The following VTI1A variants were observed in gnomAD, a reference collection of about 807,000 sequenced individuals.
VTI1A encodes vesicle transport through interaction with t-SNAREs homolog 1A.
VTI1A carries 22 observed loss-of-function variants against 34.9 expected under a neutral mutation model. The ratio of observed to expected loss-of-function variants is 0.63; its 90% CI spans 0.45 to 0.90. The LOEUF is 0.90. Among genes scored for constraint, VTI1A ranks in the 40% least tolerant of loss-of-function variants. The pLI is 0.00. For missense variants in VTI1A, 268 were observed against 275.6 expected (o/e 0.97, Z 0.20); for synonymous variants, 87 against 97.3 (o/e 0.89, Z 0.62).
intron 3 of VTI1A, among the ~76,000 whole-genome samples, chr10:112,494,531 C>T (rs1424810401): frequency 6.6e-6 from 1 of 152,036 alleles, no homozygotes; most frequent in African/African-American, 2.4e-5. Flanking sequence ...CTTTCCTCCT[C>T]CTTTCCTCGC....
chr10:112,523,208 A>G (rs1046018378), intron 3 of VTI1A, among the ~76,000 whole-genome samples: 1 of 152,076 alleles, frequency 6.6e-6, no homozygotes, highest in Non-Finnish European at 1.5e-5. Flanking sequence ...TTCAAGCCAA[A>G]TTTCCAGACA....
At chr10:112,450,028 G>A (rs968680510) in intron 1 of VTI1A, 87 of 152,020 alleles carry the variant, frequency 5.7e-4, no homozygotes, top group African/African-American at 2.0e-3. Context: ...CTCCCGAGTA[G>A]CTGGGACTAC....
intron 1 of VTI1A, among the ~76,000 whole-genome samples, chr10:112,458,106 T>C (rs554957114): frequency 6.6e-6 from 1 of 152,198 alleles, no homozygotes; most frequent in South Asian, 2.1e-4. Flanking sequence ...AGGAGAGGAA[T>C]ATTAGCAAAG....
At chr10:112,601,308 C>T (rs1844867670) in intron 5 of VTI1A, among the ~76,000 whole-genome samples, 1 of 151,592 alleles carries the variant, frequency 6.6e-6, no homozygotes, top group Non-Finnish European at 1.5e-5. Context: ...TCAATATTAC[C>T]CCAATGACAG....
intron 5 of VTI1A, among the ~76,000 whole-genome samples, chr10:112,627,584 C>G (rs910332169): frequency 2.6e-5 from 4 of 152,080 alleles, no homozygotes; most frequent in Non-Finnish European, 5.9e-5. Flanking sequence ...AGGGTTTCTC[C>G]CCTATGTATT....
At chr10:112,796,882 G>A (rs1852694263) in intron 7 of VTI1A, among the ~76,000 whole-genome samples, 2 of 152,122 alleles carry the variant, frequency 1.3e-5, no homozygotes, top group Non-Finnish European at 2.9e-5. Context: ...AACCAGTTGG[G>A]CAAAATTGAT....
intron 5 of VTI1A, among the ~76,000 whole-genome samples, chr10:112,655,536 CA>C (rs34605622): frequency 0.048 from 6,767 of 139,630 alleles, 168 homozygotes; most frequent in Middle Eastern, 0.1. Context: ...CTTGTACTGT[CA>C]AAAAAAAAAA....
In VTI1A at chr10:112,671,609, C is replaced by T. The variant is rs187828921; in HGVS notation, c.560+2611C>T. On this transcript the variant is annotated intron_variant, in intron 7 of 7. Transcript: ENST00000393077. ...TAAAGTGAACAGAAATGGCTTGGCA[C>T]GGCTCATCATTTGAGCCATTTTACG... Among the ~76,000 whole-genome samples, 216 of 152,272 alleles carry T rather than the reference C, an allele frequency of 1.4e-3. 1 individual carries two copies. Among genetic ancestry groups the T allele is most frequent in the Non-Finnish European group, 2.6e-3 (174 of 68,020 alleles).
intron 5 of VTI1A, among the ~76,000 whole-genome samples, chr10:112,606,317 G>T (rs775840257): frequency 6.6e-6 from 1 of 152,064 alleles, no homozygotes; most frequent in Non-Finnish European, 1.5e-5. Context: ...GAGCCACCGC[G>T]CCCGGCCATT....
chr10:112,582,215 C>T (rs972728464), intron 5 of VTI1A, among the ~76,000 whole-genome samples: 2 of 152,126 alleles, frequency 1.3e-5, no homozygotes, highest in African/African-American at 4.8e-5. Context: ...GAGAGAAGGA[C>T]ACTCTCTCCT....
At chr10:112,615,131 A>G (rs374328806) in intron 5 of VTI1A, among the ~76,000 whole-genome samples, 5 of 152,360 alleles carry the variant, frequency 3.3e-5, no homozygotes, top group African/African-American at 1.2e-4. Flanking sequence ...AGGATTTCCA[A>G]TAAGACTGTG....
In VTI1A at chr10:112,719,949, C is replaced by T. The variant is rs898715624; in HGVS notation, c.560+50951C>T. ...TGACATCCACTAGTATACTTCCTGT[C>T]TCTATAGATTTGCCTATTCTAGATA... is the stretch of plus-strand genomic sequence containing the variant. On this transcript the variant is annotated intron_variant, in intron 7 of 7. Transcript: ENST00000393077. Among the ~76,000 whole-genome samples the T allele has an allele frequency of 2.6e-5, 4 of 152,168 alleles. No homozygotes were observed. The East Asian group carries it at 7.7e-4, about 29-fold the overall frequency.
chr10:112,740,000 C>T (rs1850636994), intron 7 of VTI1A, among the ~76,000 whole-genome samples: 1 of 152,208 alleles, frequency 6.6e-6, no homozygotes, highest in South Asian at 2.1e-4. Context: ...GTAAATCATG[C>T]AAAGAAAATG....
the VTI1A span, chr10:112,823,904 C>G: frequency 1.3e-5 from 2 of 152,280 alleles, no homozygotes; most frequent in African/African-American, 2.4e-5. Context: ...TAGGGGGCCA[C>G]TGTGGCCTAC....
chr10:112,834,076 T>A, the VTI1A span, among the ~76,000 whole-genome samples: 1 of 152,138 alleles, frequency 6.6e-6, no homozygotes, highest in South Asian at 2.1e-4. Context: ...AAGTTGGTCA[T>A]GATAACATTG....
At chr10:112,633,957 G>A (rs1846242975) in intron 5 of VTI1A, among the ~76,000 whole-genome samples, 1 of 152,024 alleles carries the variant, frequency 6.6e-6, no homozygotes, top group African/African-American at 2.4e-5. Flanking sequence ...TAAAACAATG[G>A]TTCTTTTAGG....
At chr10:112,695,815 C>T (rs1432425107) in intron 7 of VTI1A, among the ~76,000 whole-genome samples, 1 of 152,146 alleles carries the variant, frequency 6.6e-6, no homozygotes, top group Non-Finnish European at 1.5e-5. Flanking sequence ...TTACGCCACA[C>T]GTGACCCATC....
chr10:112,706,021 G>A (rs1849184896), intron 7 of VTI1A, among the ~76,000 whole-genome samples: 1 of 152,172 alleles, frequency 6.6e-6, no homozygotes, highest in African/African-American at 2.4e-5. Flanking sequence ...CATCTTTTGT[G>A]TTAGGTGGAC....
At chr10:112,705,550 C>A (rs1335614171) in intron 7 of VTI1A, among the ~76,000 whole-genome samples, 1 of 152,118 alleles carries the variant, frequency 6.6e-6, no homozygotes, top group Non-Finnish European at 1.5e-5. Context: ...GGAAGTGCAC[C>A]CATCTCGTTC....
Sources: allele counts gnomAD v4.1 joint callset (sites outside exome capture counted in the v4.1 genomes callset), GRCh38; gene constraint gnomAD v4.1.1; transcripts MANE v1.5; gene names NCBI Gene and HGNC (gene_info 2026-07-23, HGNC 2026-07-21).